The following MON2 variants were observed in gnomAD, a reference collection of about 807,000 sequenced individuals.
MON2 encodes the protein MON2 regulator of endosome-to-Golgi trafficking, also known as protein MON2 homolog.
Under a neutral mutation model 208.6 loss-of-function variants are expected in MON2, and 84 were observed. The observed-to-expected ratio is 0.40, with a 90% CI of 0.34 to 0.48. The LOEUF (loss-of-function observed/expected upper bound fraction) is 0.48. Among genes scored for constraint, MON2 ranks in the 20% least tolerant of loss-of-function variants. MON2 has a pLI of 0.59. For synonymous variants in MON2, 660 were observed against 694.0 expected (o/e 0.95, Z 0.77); for missense variants, 1,611 against 2,015.4 (o/e 0.80, Z 3.84).
At chr12:62,492,685 T>C (rs1189408579) in intron 2 of MON2, among the ~76,000 whole-genome samples, 1 of 140,378 alleles carries the variant, frequency 7.1e-6, no homozygotes, top group East Asian at 2.5e-4. Flanking sequence ...GTTCTTATAA[T>C]AAAAAATAAT....
chr12:62,514,481 A>G (rs1370045664), intron 8 of MON2, among the ~76,000 whole-genome samples: 1 of 152,230 alleles, frequency 6.6e-6, no homozygotes, highest in African/African-American at 2.4e-5. Flanking sequence ...TGAAAGGCAC[A>G]TCACAAATGG....
At chr12:62,508,214 G>C in intron 7 of MON2, 72 bp from the exon 8 acceptor site, 1 of 1,167,288 alleles carries the variant, frequency 8.6e-7, no homozygotes. Context: ...TTCCTAGTGA[G>C]ACTGTGTTTT....
Position 62,592,706 on chromosome 12 carries a change from T to G in MON2, c.5111T>G (p.Phe1704Cys). 1 of 1,604,804 alleles carries G rather than the reference T, an allele frequency of 6.2e-7. No homozygotes were observed. The highest frequency in any genetic ancestry group is 8.5e-7 in the Non-Finnish European group (1 of 1,173,108). ...GAGGCACTAGTTCCTTTTAAGGATT[T>G]CATGCAGCCACCAGCATCCAGAGTT... ...LKEALVPFKD[F>C]MQPPASRVQN... Residue 1704 changes from phenylalanine (F) to cysteine (C), a missense_variant, in exon 35 of 35, where the codon TTC becomes TGC. Phe to Cys is a radical substitution (Grantham distance 205). Transcript: ENST00000393630.
intron 29 of MON2, among the ~76,000 whole-genome samples, chr12:62,569,156 A>G (rs2074495917): frequency 6.6e-6 from 1 of 152,236 alleles, no homozygotes; most frequent in African/African-American, 2.4e-5. Context: ...AATAAAATAT[A>G]TAAATTGAAT....
intron 33 of MON2, among the ~76,000 whole-genome samples, chr12:62,587,481 G>A (rs938076221): frequency 2.0e-5 from 3 of 151,984 alleles, no homozygotes; most frequent in Admixed American, 2.0e-4. Flanking sequence ...CACTTTAGGA[G>A]GCCGAGGCAG....
chr12:62,560,414 T>C (rs1410353353), intron 25 of MON2, 77 bp from the exon 26 acceptor site: 2 of 1,393,082 alleles, frequency 1.4e-6, no homozygotes, highest in Non-Finnish European at 1.9e-6. Context: ...TAAGCAAATA[T>C]GCTTTCAAGT....
chr12:62,549,548 T>C (rs896440819), intron 22 of MON2, 120 bp from the exon 23 acceptor site: 5 of 757,302 alleles, frequency 6.6e-6, no homozygotes, highest in Admixed American at 6.9e-5. Flanking sequence ...TCCAGGGAGG[T>C]TGAGAGTGAG....
intron 1 of MON2, chr12:62,470,854 T>A (rs1565947225): frequency 2.1e-6 from 1 of 486,974 alleles, no homozygotes. Flanking sequence ...GAGAGTAATA[T>A]GATCAAATTG....
intron 21 of MON2, 139 bp downstream of exon 21, chr12:62,545,147 G>T: frequency 1.9e-6 from 1 of 517,206 alleles, no homozygotes; most frequent in Non-Finnish European, 3.3e-6. Flanking sequence ...TGTAGGCCCT[G>T]AATCTCTTAC....
intron 23 of MON2, among the ~76,000 whole-genome samples, chr12:62,551,119 C>T (rs1282210454): frequency 2.0e-5 from 3 of 151,938 alleles, no homozygotes; most frequent in Non-Finnish European, 2.9e-5. Context: ...TAGCACTTTT[C>T]GTTTCCTTCA....
intron 8 of MON2, among the ~76,000 whole-genome samples, chr12:62,515,153 T>C (rs2071621357): frequency 6.6e-6 from 1 of 152,204 alleles, no homozygotes; most frequent in Non-Finnish European, 1.5e-5. Context: ...TTCAAAAGAA[T>C]TGAAAGTGTG....
chr12:62,481,882 A>T (rs924668722), intron 1 of MON2, among the ~76,000 whole-genome samples: 5 of 152,182 alleles, frequency 3.3e-5, no homozygotes, highest in African/African-American at 1.2e-4. Context: ...AGAAGGCTGG[A>T]TGGAGCCAGC....
Position 62,467,254 on chromosome 12 carries a change from AT to A in MON2, c.48del (p.Asn16LysfsTer28). 3.1e-6 allele frequency: 5 copies of A among 1,614,040 alleles called. No homozygotes were observed. Among genetic ancestry groups the A allele is most frequent in the Non-Finnish European group, 4.2e-6 (5 of 1,180,036 alleles). ...GAGGCGGTGAAGAAGCTGCTGGAGAATATGCAGAGCGACTTGCGCGCCTTGT... is the reference window on the plus strand; with the variant it reads ...GAGGCGGTGAAGAAGCTGCTGGAGAAATGCAGAGCGACTTGCGCGCCTTGT... ...SPEAVKKLLENMQSDLRALSL... is the reference protein window; with the variant it reads ...SPEAVKKLLEXMQSDLRALSL... On this transcript the variant is annotated frameshift_variant, in exon 1 of 35. Transcript: ENST00000393630. LOFTEE classifies it high-confidence loss of function.
At chr12:62,492,681 A>C (rs2070227799) in intron 2 of MON2, among the ~76,000 whole-genome samples, 1 of 140,716 alleles carries the variant, frequency 7.1e-6, no homozygotes, top group Non-Finnish European at 1.6e-5. Context: ...GTTAGTTCTT[A>C]TAATAAAAAA....
rs560674749 is a variant in MON2, at chr12:62,477,695, C to T, written c.112-6475C>T. ...CCTCCCAAAGTGCTGGGATTACAGG[C>T]GTGAGCCACTACTTCTGGCCTAGAT... On this transcript the variant is annotated intron_variant, in intron 1 of 34. Transcript: ENST00000393630. Among the ~76,000 whole-genome samples the T allele has an allele frequency of 2.0e-4, 30 of 151,922 alleles. 1 individual carries two copies. The highest frequency in any genetic ancestry group is 1.3e-4 in the Admixed American group (2 of 15,244).
chr12:62,561,141 A>T, intron 26 of MON2, 28 bp downstream of exon 26: 2 of 1,545,094 alleles, frequency 1.3e-6, no homozygotes, highest in South Asian at 2.5e-5. Context: ...GCTAAGTAAT[A>T]CTGCATATAG....
Position 62,565,999 on chromosome 12 carries a change from A to T in MON2, c.4177-15A>T. On this transcript the variant is annotated splice_polypyrimidine_tract_variant and intron_variant, in intron 27 of 34. Transcript: ENST00000393630. ...CTCATTCTATTTGTCTTGCAACACA[A>T]TGGAATCACAATAGATCCAACTATT... is the stretch of plus-strand genomic sequence containing the variant. 2 of 1,606,130 alleles carry T rather than the reference A, an allele frequency of 1.2e-6. No individual in the cohort carries two copies. The highest frequency in any genetic ancestry group is 1.7e-6 in the Non-Finnish European group (2 of 1,176,222).
intron 8 of MON2, among the ~76,000 whole-genome samples, chr12:62,521,988 T>A (rs1454422076): frequency 6.6e-6 from 1 of 151,798 alleles, no homozygotes; most frequent in Non-Finnish European, 1.5e-5. Context: ...AGGTCAGGAG[T>A]CCGAGACCAT....
At chr12:62,478,562 T>G (rs1438601418) in intron 1 of MON2, among the ~76,000 whole-genome samples, 1 of 152,220 alleles carries the variant, frequency 6.6e-6, no homozygotes, top group Admixed American at 6.5e-5. Context: ...ATTAGTACAA[T>G]TTGGGTTTGT....
Sources: gnomAD v4.1 joint callset for allele counts (sites outside exome capture counted in the v4.1 genomes callset) on GRCh38, gnomAD v4.1.1 for gene constraint, MANE v1.5 for transcripts, NCBI Gene and HGNC (gene_info 2026-07-23, HGNC 2026-07-21) for gene names.